The following POSTN variants were observed in gnomAD, a reference collection of about 807,000 sequenced individuals.
POSTN encodes osteoblast specific factor 2 (fasciclin I-like).
A neutral mutation model predicts 104.5 loss-of-function variants in POSTN; 71 were observed. The observed-to-expected ratio is 0.68, with a 90% CI of 0.56 to 0.83. The LOEUF (loss-of-function observed/expected upper bound fraction) is 0.83, where lower values mean the gene tolerates loss of function less well. POSTN is among the 40% of genes least tolerant of loss of function. The pLI, the probability that POSTN is intolerant of heterozygous loss-of-function variation, is 0.00. For synonymous variants in POSTN, 355 were observed against 340.7 expected (o/e 1.04, Z -0.46); for missense variants, 949 against 1,006.8 (o/e 0.94, Z 0.78).
chr13:37,563,384 A>G lies in POSTN; in HGVS notation c.2474-14T>C. ...GTCTTCTAGATCCTAATTAGAAAGA[A>G]AGGAGAATGTATAGACTGTAAATGT... On this transcript the variant is annotated splice_polypyrimidine_tract_variant and intron_variant, in intron 22 of 22. Coordinates refer to ENST00000379747, the MANE Select transcript of POSTN (RefSeq NM_006475.3). 1 of 1,560,204 alleles carries G rather than the reference A, an allele frequency of 6.4e-7. No homozygotes were observed. Among genetic ancestry groups the G allele is most frequent in the Non-Finnish European group, 8.8e-7 (1 of 1,138,306 alleles).
intron 16 of POSTN, among the ~76,000 whole-genome samples, chr13:37,575,731 G>T (rs1179086871): frequency 6.6e-6 from 1 of 152,124 alleles, no homozygotes; most frequent in East Asian, 1.9e-4. Flanking sequence ...AAGATGTTTA[G>T]CTGTGTCAAC....
At chr13:37,590,862 A>C (rs184206914) in intron 3 of POSTN, among the ~76,000 whole-genome samples, 58 of 152,170 alleles carry the variant, frequency 3.8e-4, no homozygotes, top group Admixed American at 3.5e-3. Context: ...TAAATCTATC[A>C]TTTTTATAGA....
Position 37,578,852 on chromosome 13 carries a change from G to T in POSTN, c.1954C>A (p.Gln652Lys). Reference protein sequence around the residue: ...EILNKLIKYIQIKFVRGSTFK... With the variant: ...EILNKLIKYIKIKFVRGSTFK... ...CAAGTAACTTTTAGTACCTTAATTTGGATGTATTTGATTAATTTATTAAGT... is the reference window on the plus strand; with the variant it reads ...CAAGTAACTTTTAGTACCTTAATTTTGATGTATTTGATTAATTTATTAAGT... The change falls in exon 15 of 23, where the codon CAA (glutamine) becomes AAA (lysine). Residue 652 changes from glutamine (Q) to lysine (K), a missense_variant. Coordinates refer to ENST00000379747, the MANE Select transcript of POSTN (RefSeq NM_006475.3). 1.3e-6 allele frequency: 2 copies of T among 1,561,060 alleles called. No homozygotes were observed. The highest frequency in any genetic ancestry group is 1.2e-5 in the South Asian group (1 of 83,350).
chr13:37,571,509 AT>A, intron 17 of POSTN, 51 bp from the exon 18 acceptor site: 1 of 1,334,134 alleles, frequency 7.5e-7, no homozygotes, highest in Non-Finnish European at 1.1e-6. Flanking sequence ...AGTCCTTTAA[AT>A]TTACCGGAAT....
intron 22 of POSTN, 71 bp downstream of exon 22, chr13:37,564,448 C>T: frequency 1.2e-6 from 1 of 820,322 alleles, no homozygotes; most frequent in Non-Finnish European, 2.0e-6. Context: ...TAAAATCTTT[C>T]CTATTGTTTG....
chr13:37,586,423 T>C, intron 6 of POSTN, 143 bp from the exon 7 acceptor site: 1 of 928,296 alleles, frequency 1.1e-6, no homozygotes, highest in Non-Finnish European at 1.6e-6. Flanking sequence ...AATATTACTT[T>C]TTGACACAAC....
intron 1 of POSTN, among the ~76,000 whole-genome samples, 161 bp downstream of exon 1, chr13:37,598,447 G>C (rs889038849): frequency 2.0e-5 from 3 of 151,920 alleles, no homozygotes; most frequent in African/African-American, 7.3e-5. Flanking sequence ...AAAGTGCATA[G>C]ATAAATCACA....
intron 4 of POSTN, among the ~76,000 whole-genome samples, chr13:37,589,408 T>A (rs961587532): frequency 6.6e-6 from 1 of 152,176 alleles, no homozygotes; most frequent in African/African-American, 2.4e-5. Flanking sequence ...GAAGGTTTGT[T>A]ACATATGTAT....
At chr13:37,592,289 T>C (rs113695967) in intron 2 of POSTN, 125 bp from the exon 3 acceptor site, 206 of 521,842 alleles carry the variant, frequency 3.9e-4, no homozygotes, top group South Asian at 5.5e-4. Flanking sequence ...AGGTTTTTTT[T>C]CCCCCCTGAT....
At chr13:37,567,760 A>C (rs1950158005) in intron 21 of POSTN, among the ~76,000 whole-genome samples, 1 of 152,172 alleles carries the variant, frequency 6.6e-6, no homozygotes. Context: ...ATTAACTAAA[A>C]ATTGAATGTC....
chr13:37,579,769 A>AT, intron 12 of POSTN, 92 bp downstream of exon 12: 1 of 1,417,254 alleles, frequency 7.1e-7, no homozygotes, highest in Non-Finnish European at 9.5e-7. Flanking sequence ...GAGAGGGGGC[A>AT]TTTTTAAGGC....
At chr13:37,594,855 G>A (rs982408778) in intron 2 of POSTN, among the ~76,000 whole-genome samples, 12 of 152,102 alleles carry the variant, frequency 7.9e-5, no homozygotes, top group African/African-American at 2.7e-4. Flanking sequence ...TGGCAGACCA[G>A]TCAGTCTTCC....
Position 37,579,263 on chromosome 13 carries a change from T to C in POSTN, c.1757A>G (p.Lys586Arg), listed in dbSNP as rs768609894. ...GFEPGVTNIL[K>R]TTQGSKIFLK... ...AAAGATTTTGCTTCCTTGTGTGGTC[T>C]TTAAAATGTTAGTAACACCAGGTTC... is the stretch of plus-strand genomic sequence containing the variant. The change falls in exon 13 of 23, where the codon AAG (lysine) becomes AGG (arginine). Residue 586 changes from lysine (K) to arginine (R), a missense_variant. Lys to Arg is a conservative substitution (Grantham distance 26). Transcript: ENST00000379747. 6.2e-7 allele frequency: 1 copy of C among 1,610,464 alleles called. No homozygotes were observed. Among genetic ancestry groups the C allele is most frequent in the Non-Finnish European group, 8.5e-7 (1 of 1,176,826 alleles).
At chr13:37,586,991 C>A (rs1476970116) in intron 5 of POSTN, 63 bp from the exon 6 acceptor site, 3 of 1,457,572 alleles carry the variant, frequency 2.1e-6, no homozygotes, top group Non-Finnish European at 1.9e-6. Context: ...ACTGAGACTG[C>A]AAGCCCATTC....
At chr13:37,584,184 C>T in intron 8 of POSTN, 81 bp from the exon 9 acceptor site, 1 of 1,519,686 alleles carries the variant, frequency 6.6e-7, no homozygotes, top group East Asian at 2.3e-5. Context: ...CAATTCCTGA[C>T]TCTTTTCTAA....
chr13:37,598,515 C>T, intron 1 of POSTN, 93 bp downstream of exon 1: 1 of 1,148,736 alleles, frequency 8.7e-7, no homozygotes, highest in Non-Finnish European at 1.2e-6. Context: ...AAAAAAAACC[C>T]TGAGGCATAT....
At chr13:37,565,521 A>G (rs992342853) in intron 21 of POSTN, 1 of 152,068 alleles carries the variant, frequency 6.6e-6, no homozygotes, top group Non-Finnish European at 1.5e-5. Flanking sequence ...AAAGTAAGCA[A>G]TGAAACTGTC....
chr13:37,597,176 A>G lies in POSTN; in HGVS notation c.218+8T>C, dbSNP rs777386283. 3 of 1,517,466 alleles carry G rather than the reference A, an allele frequency of 2.0e-6. No individual in the cohort carries two copies. Among genetic ancestry groups the G allele is most frequent in the Non-Finnish European group, 2.7e-6 (3 of 1,130,694 alleles). 94.0% of individuals were successfully genotyped at this position (1,517,466 alleles called of 1,614,324 possible). ...ACTGACATATTATGAAAAAAAAAAG[A>G]GACTTACGTTTTCTGTCCACAGATG... is the stretch of plus-strand genomic sequence containing the variant. On this transcript the variant is annotated splice_region_variant and intron_variant, in intron 2 of 22. Coordinates refer to ENST00000379747, the MANE Select transcript of POSTN (RefSeq NM_006475.3).
chr13:37,595,388 G>T (rs1288368480), intron 2 of POSTN, among the ~76,000 whole-genome samples: 1 of 152,200 alleles, frequency 6.6e-6, no homozygotes, highest in Admixed American at 6.5e-5. Context: ...CACAAGTCTA[G>T]CAGAAGTCTG....
Sources: gnomAD v4.1 joint callset for allele counts (sites outside exome capture counted in the v4.1 genomes callset) on GRCh38, gnomAD v4.1.1 for gene constraint, MANE v1.5 for transcripts, NCBI Gene and HGNC (gene_info 2026-07-23, HGNC 2026-07-21) for gene names.